The following FCMR variants were observed in gnomAD, a reference collection of about 807,000 sequenced individuals.
FCMR encodes immunoglobulin mu Fc receptor.
Under a neutral mutation model 41.6 loss-of-function variants are expected in FCMR, and 34 were observed. The ratio of observed to expected loss-of-function variants is 0.82; its 90% CI spans 0.62 to 1.09. FCMR has a LOEUF of 1.09. Among genes scored for constraint, FCMR ranks in the 50% least tolerant of loss-of-function variants. The probability of loss-of-function intolerance (pLI) is 0.00; values close to 1 mark genes in which losing one functional copy is unlikely to be tolerated. For synonymous variants in FCMR, 209 were observed against 211.8 expected (o/e 0.99, Z 0.12); for missense variants, 496 against 512.5 (o/e 0.97, Z 0.31).
At position 206,904,774 on chromosome 1, in the gene FCMR, T is replaced by C; in HGVS notation, c.*245A>G. 4.0e-6 allele frequency: 2 copies of C among 495,294 alleles called. No homozygotes were observed. The highest frequency in any genetic ancestry group is 7.4e-6 in the Non-Finnish European group (2 of 270,896). 30.7% of individuals were successfully genotyped at this position (495,294 alleles called of 1,614,324 possible). ...GGCTTGGAAAGGAAGCAAGTGGCAT[T>C]GGGACAATTGCTCTACATGCCTACA... On this transcript the variant is annotated 3_prime_UTR_variant, in exon 8 of 8. Coordinates refer to ENST00000367091, the MANE Select transcript of FCMR (RefSeq NM_005449.5).
intron 1 of FCMR, among the ~76,000 whole-genome samples, chr1:206,918,469 A>T (rs935963587): frequency 1.3e-5 from 2 of 152,138 alleles, no homozygotes; most frequent in South Asian, 4.1e-4. Flanking sequence ...ACTTGCTCTG[A>T]CATCTCCACG....
intron 7 of FCMR, chr1:206,908,094 G>A: frequency 8.6e-7 from 1 of 1,160,050 alleles, no homozygotes; most frequent in Non-Finnish European, 1.3e-6. Flanking sequence ...TGGAGGAGAA[G>A]TGGAAGGAGA....
At chr1:206,912,063 T>C (rs1442398086) in intron 3 of FCMR, 111 bp from the exon 4 acceptor site, 4 of 818,310 alleles carry the variant, frequency 4.9e-6, no homozygotes, top group Non-Finnish European at 7.7e-6. Flanking sequence ...TACAGACTAC[T>C]TCTGTTCTTG....
At chr1:206,914,681 C>T (rs1679113221) in intron 1 of FCMR, among the ~76,000 whole-genome samples, 1 of 152,082 alleles carries the variant, frequency 6.6e-6, no homozygotes, top group Non-Finnish European at 1.5e-5. Flanking sequence ...GATCTGCCTG[C>T]CTCGGCCTCC....
At chr1:206,920,867 T>C (rs1429374510) in intron 1 of FCMR, among the ~76,000 whole-genome samples, 11 of 152,234 alleles carry the variant, frequency 7.2e-5, no homozygotes. Context: ...GACATGGATC[T>C]AGAAACTGCA....
rs754128185 is a variant in FCMR, at chr1:206,913,799, G to A, written c.333C>T (p.Asp111=). 1 of 1,614,186 alleles carries A rather than the reference G, an allele frequency of 6.2e-7. No homozygotes were observed. The highest frequency in any genetic ancestry group is 1.7e-5 in the Admixed American group (1 of 60,034). ...GGGTGACTTTCTGGGTCTTTCCCCGGTCTGTGTTCATGCCCGCTCCGCAGG... is the reference window on the plus strand; with the variant it reads ...GGGTGACTTTCTGGGTCTTTCCCCGATCTGTGTTCATGCCCGCTCCGCAGG... The part of the protein sequence containing the change: ...VYACGAGMNT[D]RGKTQKVTLN... Residue 111 remains aspartate (D), a synonymous_variant, in exon 2 of 8, where the codon GAC becomes GAT. Transcript: ENST00000367091.
intron 7 of FCMR, chr1:206,907,527 C>T (rs1018434369): frequency 1.9e-5 from 9 of 465,504 alleles, no homozygotes; most frequent in African/African-American, 1.6e-4. Flanking sequence ...AGGCTTCCAC[C>T]GTGTGGGCCC....
chr1:206,908,362 A>G, intron 7 of FCMR: 3 of 586,304 alleles, frequency 5.1e-6, no homozygotes, highest in Non-Finnish European at 9.1e-6. Context: ...GGAAGCTGGG[A>G]GCAAGGAAAG....
chr1:206,913,658 G>GT, intron 2 of FCMR, 101 bp downstream of exon 2: 1 of 901,004 alleles, frequency 1.1e-6, no homozygotes, highest in Admixed American at 2.0e-5. Context: ...TGGCAACAGT[G>GT]TAAGAGTCTA....
In FCMR at chr1:206,905,122, G is replaced by T. The variant is rs41304091; in HGVS notation, c.1070C>A (p.Ala357Asp). The change falls in exon 8 of 8, where the codon GCC (alanine) becomes GAC (aspartate). Residue 357 changes from alanine to aspartate, a missense_variant. Transcript: ENST00000367091. ...LQVSESPWLH[A>D]PSLKTSCEYV... ...TTCACAGCTGGTCTTCAGAGATGGG[G>T]CATGGAGCCAGGGAGATTCAGACAC... 2 of 1,614,148 alleles carry T rather than the reference G, an allele frequency of 1.2e-6. No homozygotes were observed. Among genetic ancestry groups the T allele is most frequent in the Non-Finnish European group, 1.7e-6 (2 of 1,180,006 alleles).
rs776373061 is a variant in FCMR at position 206,913,755 on chromosome 1, C to A, written c.373+4G>T. The A allele has an allele frequency of 4.3e-5, 70 of 1,612,756 alleles. 1 individual carries two copies. In the South Asian group the frequency reaches 7.2e-4, roughly 17 times the overall value. ...CTGAGCCTCCAATCAGCGGAGGAAC[C>A]TACCACTGTGGACATTCAGGGTGAC... On this transcript the variant is annotated splice_donor_region_variant and intron_variant, in intron 2 of 7. Coordinates refer to ENST00000367091, the MANE Select transcript of FCMR (RefSeq NM_005449.5).
intron 1 of FCMR, 149 bp from the exon 2 acceptor site, chr1:206,914,243 T>C: frequency 1.6e-6 from 1 of 628,862 alleles, no homozygotes; most frequent in Non-Finnish European, 2.8e-6. Context: ...CTGTCCCAAT[T>C]ATTAGCCTGG....
intron 1 of FCMR, among the ~76,000 whole-genome samples, chr1:206,918,332 T>C (rs1033171533): frequency 5.3e-5 from 8 of 152,124 alleles, no homozygotes; most frequent in African/African-American, 1.9e-4. Context: ...CCCTGTGCCT[T>C]GGACCTGTTC....
At chr1:206,917,497 A>G (rs771330603) in intron 1 of FCMR, among the ~76,000 whole-genome samples, 3 of 152,192 alleles carry the variant, frequency 2.0e-5, no homozygotes, top group Non-Finnish European at 4.4e-5. Context: ...TCCTGAGTCC[A>G]TCATTCTCAC....
intron 1 of FCMR, among the ~76,000 whole-genome samples, chr1:206,918,559 C>A (rs1015498010): frequency 6.6e-6 from 1 of 152,074 alleles, no homozygotes; most frequent in African/African-American, 2.4e-5. Context: ...CAAAACCTGA[C>A]CTTCACACAC....
In FCMR at chr1:206,910,347, AG is replaced by A; in HGVS notation, c.711-8del. ...TGAGCCATAGTCCAGTGCTCTGGGG[AG>A]GGAAGGAAAGGGAGAGAGGGAGGAA... On this transcript the variant is annotated splice_polypyrimidine_tract_variant and splice_region_variant and intron_variant, in intron 4 of 7. Coordinates refer to ENST00000367091, the MANE Select transcript of FCMR (RefSeq NM_005449.5). 6.5e-7 allele frequency: 1 copy of A among 1,531,854 alleles called. No homozygotes were observed. Among genetic ancestry groups the A allele is most frequent in the Non-Finnish European group, 8.8e-7 (1 of 1,138,580 alleles). The allele number at this position is 1,531,854 out of a possible 1,614,324, so 94.9% of individuals were successfully genotyped here.
chr1:206,912,513 G>T (rs1033100453), intron 3 of FCMR, among the ~76,000 whole-genome samples: 5 of 152,194 alleles, frequency 3.3e-5, no homozygotes, highest in Admixed American at 6.5e-5. Context: ...TCTTTTAGTT[G>T]CAAAATAGAG....
At position 206,916,815 on chromosome 1, in the gene FCMR, G is replaced by A. The variant is rs967914425; in HGVS notation, c.38-2721C>T. 3.3e-5 allele frequency among the ~76,000 whole-genome samples: 5 copies of A among 152,204 alleles called. No individual in the cohort carries two copies. The South Asian group carries it at 8.3e-4, about 25-fold the overall frequency. On this transcript the variant is annotated intron_variant, in intron 1 of 7. Transcript: ENST00000367091. ...GCTACGATGCAGATGATCTGGTCCCGTTCTTAGGAAAGGTGATTACATCTG... is the reference window on the plus strand; with the variant it reads ...GCTACGATGCAGATGATCTGGTCCCATTCTTAGGAAAGGTGATTACATCTG...
At chr1:206,918,101 CTT>C (rs1679268614) in intron 1 of FCMR, among the ~76,000 whole-genome samples, 1 of 152,208 alleles carries the variant, frequency 6.6e-6, no homozygotes, top group Non-Finnish European at 1.5e-5. Flanking sequence ...TGAAACTGCT[CTT>C]GTCAAGTCAC....
Sources: allele counts gnomAD v4.1 joint callset (sites outside exome capture counted in the v4.1 genomes callset), GRCh38; gene constraint gnomAD v4.1.1; transcripts MANE v1.5; gene names NCBI Gene and HGNC (gene_info 2026-07-23, HGNC 2026-07-21).